Variants in NRG1 observed in about 807,000 individuals in gnomAD.
NRG1 encodes pro-neuregulin-1, membrane-bound isoform.
In NRG1, 18 loss-of-function variants were observed where a neutral mutation model predicts 63.8. The observed-to-expected ratio is 0.28, with a 90% CI of 0.19 to 0.42. The LOEUF is 0.42. NRG1 is among the 10% of genes least tolerant of loss of function. NRG1 has a pLI of 1.00. For missense variants in NRG1, 762 were observed against 814.7 expected, an observed-to-expected ratio of 0.94 and a Z score of 0.79; for synonymous variants, 302 against 301.3, an observed-to-expected ratio of 1.00 and a Z score of -0.02.
At chr8:32,694,093 A>G (rs1210717638) in intron 5 of NRG1, among the ~76,000 whole-genome samples, 2 of 152,174 alleles carry the variant, frequency 1.3e-5, no homozygotes, top group Admixed American at 6.5e-5. Context: ...CTATCCTACC[A>G]GGTAGAGACT....
intron 1 of NRG1, among the ~76,000 whole-genome samples, chr8:32,524,560 G>GA (rs201546443): frequency 0.012 from 1,858 of 151,478 alleles, 36 homozygotes; most frequent in African/African-American, 0.042. Flanking sequence ...ACAGTGTCAA[G>GA]AAAAAAACAT....
intron 1 of NRG1, among the ~76,000 whole-genome samples, chr8:32,236,955 CAG>C (rs1283347384): frequency 1.3e-5 from 2 of 152,084 alleles, no homozygotes; most frequent in African/African-American, 2.4e-5. Flanking sequence ...TGCAGGATAA[CAG>C]AGATGTACCG....
At chr8:32,246,778 C>T (rs1232801906) in intron 1 of NRG1, among the ~76,000 whole-genome samples, 6 of 151,886 alleles carry the variant, frequency 4.0e-5, no homozygotes, top group Non-Finnish European at 8.8e-5. Flanking sequence ...TAATCACACT[C>T]GAAGCAGATA....
At chr8:31,708,566 C>T (rs1811393047) in intron 1 of NRG1, among the ~76,000 whole-genome samples, 2 of 150,298 alleles carry the variant, frequency 1.3e-5, no homozygotes, top group Admixed American at 6.6e-5. Flanking sequence ...CTGCCTCAGC[C>T]TCCCAAGTAG....
At chr8:32,447,406 T>C (rs1466120430) in intron 1 of NRG1, among the ~76,000 whole-genome samples, 3 of 152,140 alleles carry the variant, frequency 2.0e-5, no homozygotes, top group Non-Finnish European at 4.4e-5. Flanking sequence ...TCTGAAACAC[T>C]TCTGCAAAAT....
At chr8:32,764,571 G>A (rs1275499288) in exon 12 of NRG1, 2 of 568,022 alleles carry the variant, frequency 3.5e-6, no homozygotes, top group African/African-American at 3.8e-5. Flanking sequence ...TGTGCCATAT[G>A]TAGCAATTTT....
chr8:32,202,777 CCCT>C (rs1313888833), intron 1 of NRG1, among the ~76,000 whole-genome samples: 2 of 151,300 alleles, frequency 1.3e-5, no homozygotes, highest in South Asian at 4.2e-4. Context: ...TTCCTCTCTT[CCCT>C]CCTCTGCTGC....
intron 5 of NRG1, among the ~76,000 whole-genome samples, chr8:32,683,242 A>G (rs758593263): frequency 1.3e-5 from 2 of 152,230 alleles, no homozygotes; most frequent in Non-Finnish European, 2.9e-5. Flanking sequence ...ATGTTATGTC[A>G]GTTGACAGTA....
chr8:32,647,668 C>A (rs377497653), intron 5 of NRG1: 1 of 1,504,430 alleles, frequency 6.6e-7, no homozygotes, highest in Non-Finnish European at 8.8e-7. Flanking sequence ...GGGGCCTCTG[C>A]GTGGTAATGG....
intron 1 of NRG1, among the ~76,000 whole-genome samples, chr8:32,573,840 C>T (rs1839106509): frequency 6.6e-6 from 1 of 151,834 alleles, no homozygotes; most frequent in African/African-American, 2.4e-5. Flanking sequence ...ATGTGAAATT[C>T]CCCTTCCTGT....
At chr8:32,093,700 T>C (rs1829511005) in intron 1 of NRG1, among the ~76,000 whole-genome samples, 1 of 152,188 alleles carries the variant, frequency 6.6e-6, no homozygotes, top group African/African-American at 2.4e-5. Flanking sequence ...ACAAAATCCA[T>C]GAGATAATTC....
At chr8:32,053,161 A>G (rs1822268528) in intron 1 of NRG1, among the ~76,000 whole-genome samples, 1 of 152,180 alleles carries the variant, frequency 6.6e-6, no homozygotes, top group Non-Finnish European at 1.5e-5. Flanking sequence ...GCCAGGGGAC[A>G]TGAATTGCCT....
intron 1 of NRG1, among the ~76,000 whole-genome samples, chr8:32,439,449 A>T (rs1347504209): frequency 6.6e-6 from 1 of 152,174 alleles, no homozygotes; most frequent in East Asian, 1.9e-4. Context: ...AAAAAGAAAG[A>T]TAAGGCTTTA....
chr8:31,670,611 A>G (rs1807030798), intron 1 of NRG1, among the ~76,000 whole-genome samples: 1 of 151,576 alleles, frequency 6.6e-6, no homozygotes, highest in Non-Finnish European at 1.5e-5. Context: ...GACAGAGATG[A>G]TCAGAGAAAG....
chr8:32,134,185 A>T (rs536765580), intron 1 of NRG1, among the ~76,000 whole-genome samples: 2 of 152,082 alleles, frequency 1.3e-5, no homozygotes, highest in African/African-American at 4.8e-5. Flanking sequence ...AGACACTAAA[A>T]TTTTTTTTAA....
intron 1 of NRG1, among the ~76,000 whole-genome samples, chr8:31,829,194 A>G (rs1252007967): frequency 6.6e-6 from 1 of 152,138 alleles, no homozygotes; most frequent in East Asian, 1.9e-4. Flanking sequence ...GTCCCTTGTA[A>G]CCTTGTTAGA....
chr8:32,298,675 T>C (rs56408193), intron 1 of NRG1, among the ~76,000 whole-genome samples: 15,366 of 135,906 alleles, frequency 0.11, 1,046 homozygotes, highest in Middle Eastern at 0.17. Flanking sequence ...GACTGCACCA[T>C]TGCACTCCAT....
In NRG1 at chr8:32,318,719, G is replaced by A. The variant is rs558475906; in HGVS notation, c.38-277109G>A. 3.0e-4 allele frequency among the ~76,000 whole-genome samples: 45 copies of A among 152,266 alleles called. No homozygotes were observed. The South Asian group carries it at 3.1e-3, about 11-fold the overall frequency. On this transcript the variant is annotated intron_variant, in intron 1 of 10. Transcript: ENST00000519301. ...AACGTCCTTTGAAAATATGTTATTTGTTGATTTACTCAAAGAAGACTTGCC... is the reference window on the plus strand; with the variant it reads ...AACGTCCTTTGAAAATATGTTATTTATTGATTTACTCAAAGAAGACTTGCC...
intron 1 of NRG1, among the ~76,000 whole-genome samples, chr8:31,721,693 T>C (rs905370830): frequency 6.6e-6 from 1 of 152,138 alleles, no homozygotes; most frequent in African/African-American, 2.4e-5. Flanking sequence ...TTCTTCTTAC[T>C]TTTGCCAGAA....
Sources: allele counts gnomAD v4.1 joint callset (sites outside exome capture counted in the v4.1 genomes callset), GRCh38; gene constraint gnomAD v4.1.1; transcripts MANE v1.5; gene names NCBI Gene and HGNC (gene_info 2026-07-23, HGNC 2026-07-21).